NTN4: variants seen among roughly 807,000 people sequenced by gnomAD.
NTN4 encodes netrin 4.
NTN4 carries 32 observed loss-of-function variants against 73.6 expected under a neutral mutation model. The observed-to-expected ratio is 0.44, with a 90% CI of 0.33 to 0.58. The LOEUF is 0.58. NTN4 is among the 20% of genes least tolerant of loss of function. The pLI is 0.04. For missense variants in NTN4, 654 were observed against 798.3 expected, an observed-to-expected ratio of 0.82 and a Z score of 2.18; for synonymous variants, 258 against 287.5, an observed-to-expected ratio of 0.90 and a Z score of 1.04.
At chr12:95,721,093 T>A (rs570879930) in intron 3 of NTN4, among the ~76,000 whole-genome samples, 4 of 152,218 alleles carry the variant, frequency 2.6e-5, no homozygotes, top group Non-Finnish European at 2.9e-5. Context: ...TCTTAACCCC[T>A]AAACTATGCC....
intron 3 of NTN4, among the ~76,000 whole-genome samples, chr12:95,733,736 A>ATC (rs1565900515): frequency 6.6e-6 from 1 of 151,966 alleles, no homozygotes; most frequent in Non-Finnish European, 1.5e-5. Flanking sequence ...GGATCTGGGG[A>ATC]GAAGGGGAAA....
intron 2 of NTN4, among the ~76,000 whole-genome samples, chr12:95,768,890 G>A (rs974560591): frequency 5.9e-5 from 9 of 152,296 alleles, no homozygotes; most frequent in African/African-American, 2.2e-4. Context: ...GAAGCTGGCT[G>A]AAGGAGAGAA....
intron 2 of NTN4, among the ~76,000 whole-genome samples, chr12:95,775,379 G>A (rs1019917076): frequency 4.6e-5 from 7 of 152,196 alleles, no homozygotes; most frequent in Non-Finnish European, 7.3e-5. Flanking sequence ...AAAGCAGGGC[G>A]AGGCATCGCC....
At chr12:95,783,899 C>T (rs1363532239) in intron 2 of NTN4, among the ~76,000 whole-genome samples, 3 of 152,156 alleles carry the variant, frequency 2.0e-5, no homozygotes, top group Non-Finnish European at 4.4e-5. Context: ...TGGTGCCTTC[C>T]ACTCTGTTGA....
intron 5 of NTN4, among the ~76,000 whole-genome samples, chr12:95,696,854 A>G (rs918274001): frequency 1.3e-5 from 2 of 152,176 alleles, no homozygotes; most frequent in African/African-American, 4.8e-5. Context: ...CAGTCAGTCC[A>G]GCTTTATTAT....
At chr12:95,707,048 C>T (rs1038298635) in intron 5 of NTN4, among the ~76,000 whole-genome samples, 5 of 152,212 alleles carry the variant, frequency 3.3e-5, no homozygotes, top group Admixed American at 2.6e-4. Context: ...CTAACTTCAA[C>T]TAAAGCTGAA....
intron 7 of NTN4, among the ~76,000 whole-genome samples, chr12:95,671,905 T>G (rs1046989450): frequency 2.0e-5 from 3 of 152,110 alleles, no homozygotes; most frequent in Middle Eastern, 3.2e-3. Flanking sequence ...CATTGAGTGG[T>G]CATAACAGCA....
chr12:95,780,884 G>T (rs1004547304), intron 2 of NTN4, among the ~76,000 whole-genome samples: 1 of 152,156 alleles, frequency 6.6e-6, no homozygotes, highest in African/African-American at 2.4e-5. Flanking sequence ...CAATAGCAAA[G>T]ACTTGGAACC....
chr12:95,683,193 G>A (rs1015698011), intron 6 of NTN4, among the ~76,000 whole-genome samples: 5 of 152,222 alleles, frequency 3.3e-5, no homozygotes, highest in South Asian at 2.1e-4. Flanking sequence ...CTGAGTAGCC[G>A]GGATTACTGG....
At chr12:95,687,376 GAA>G (rs112729805) in intron 5 of NTN4, among the ~76,000 whole-genome samples, 2 of 148,682 alleles carry the variant, frequency 1.3e-5, no homozygotes, top group Non-Finnish European at 3.0e-5. Flanking sequence ...ATAATTTGGT[GAA>G]AAAAAATTTT....
intron 3 of NTN4, among the ~76,000 whole-genome samples, chr12:95,713,944 T>A (rs1446851966): frequency 6.6e-6 from 1 of 152,202 alleles, no homozygotes; most frequent in African/African-American, 2.4e-5. Flanking sequence ...AATGCTATAA[T>A]GAATATCATT....
intron 2 of NTN4, among the ~76,000 whole-genome samples, chr12:95,764,272 T>C (rs2121252607): frequency 6.6e-6 from 1 of 152,254 alleles, no homozygotes; most frequent in East Asian, 1.9e-4. Context: ...TGACAGCAAT[T>C]GGAGTCAGCT....
chr12:95,681,197 A>AAAG (rs1565881877), intron 7 of NTN4, among the ~76,000 whole-genome samples: 1 of 151,292 alleles, frequency 6.6e-6, no homozygotes, highest in East Asian at 2.0e-4. Flanking sequence ...TCAAAAAAAA[A>AAAG]AAAAAAAAAA....
intron 3 of NTN4, among the ~76,000 whole-genome samples, chr12:95,719,531 T>C (rs1311899124): frequency 6.6e-6 from 1 of 152,168 alleles, no homozygotes; most frequent in Non-Finnish European, 1.5e-5. Flanking sequence ...AGAAAAGGAT[T>C]AAACTTCTAA....
intron 2 of NTN4, among the ~76,000 whole-genome samples, chr12:95,743,040 C>G (rs1012301641): frequency 6.6e-6 from 1 of 152,184 alleles, no homozygotes; most frequent in Non-Finnish European, 1.5e-5. Flanking sequence ...TTATGGATTT[C>G]TTCTCTTCAG....
At chr12:95,786,816 C>G in intron 2 of NTN4, 123 bp downstream of exon 2, 1 of 760,004 alleles carries the variant, frequency 1.3e-6, no homozygotes, top group East Asian at 2.7e-5. Flanking sequence ...ACAAATAAAT[C>G]TCATGAAAAA....
intron 3 of NTN4, among the ~76,000 whole-genome samples, chr12:95,731,143 A>G (rs1345573229): frequency 6.6e-6 from 1 of 152,226 alleles, no homozygotes; most frequent in Admixed American, 6.5e-5. Context: ...AAGAGAATCA[A>G]TGCTAATTTC....
intron 7 of NTN4, among the ~76,000 whole-genome samples, 174 bp downstream of exon 7, chr12:95,682,533 T>G (rs1224802534): frequency 2.0e-5 from 3 of 152,020 alleles, no homozygotes; most frequent in Non-Finnish European, 2.9e-5. Flanking sequence ...AAAATACCCC[T>G]TAGCTATATT....
chr12:95,705,645 C>T (rs1253813708), intron 5 of NTN4, among the ~76,000 whole-genome samples: 2 of 152,302 alleles, frequency 1.3e-5, no homozygotes, highest in African/African-American at 2.4e-5. Flanking sequence ...GTTCTCAAAA[C>T]TCAGAACACT....
Sources: gnomAD v4.1 joint callset for allele counts (sites outside exome capture counted in the v4.1 genomes callset) on GRCh38, gnomAD v4.1.1 for gene constraint, MANE v1.5 for transcripts, NCBI Gene and HGNC (gene_info 2026-07-23, HGNC 2026-07-21) for gene names.